The following EHBP1 variants were observed in gnomAD, a reference collection of about 807,000 sequenced individuals.
EHBP1 encodes EH domain binding protein 1, also known as EH domain-binding protein 1.
EHBP1 carries 55 observed loss-of-function variants against 144.0 expected under a neutral mutation model. That is an observed-to-expected ratio of 0.38 (90% CI 0.31 to 0.48). EHBP1 has a LOEUF of 0.48. Among genes scored for constraint, EHBP1 ranks in the 20% least tolerant of loss-of-function variants. EHBP1 has a pLI of 0.98. For missense variants in EHBP1, 1,200 were observed against 1,364.2 expected, an observed-to-expected ratio of 0.88 and a Z score of 1.90; for synonymous variants, 469 against 472.7, an observed-to-expected ratio of 0.99 and a Z score of 0.10.
intron 15 of EHBP1, among the ~76,000 whole-genome samples, chr2:62,984,894 GC>G (rs1252449977): frequency 1.3e-5 from 2 of 152,132 alleles, no homozygotes; most frequent in East Asian, 3.9e-4. Flanking sequence ...GAAAGTAGGT[GC>G]CATTTCCTGG....
At chr2:62,740,810 A>AT (rs939303974) in intron 2 of EHBP1, among the ~76,000 whole-genome samples, 1 of 152,078 alleles carries the variant, frequency 6.6e-6, no homozygotes, top group African/African-American at 2.4e-5. Context: ...GCTATCTTTT[A>AT]TTTTTTTGAC....
chr2:62,917,983 G>A (rs1013442556), intron 10 of EHBP1, among the ~76,000 whole-genome samples: 3 of 150,920 alleles, frequency 2.0e-5, no homozygotes, highest in Non-Finnish European at 4.4e-5. Context: ...TGCAACCTCC[G>A]CCTCCAAGGT....
intron 2 of EHBP1, among the ~76,000 whole-genome samples, chr2:62,720,131 CCTT>C (rs1361352552): frequency 6.6e-6 from 1 of 152,140 alleles, no homozygotes; most frequent in African/African-American, 2.4e-5. Flanking sequence ...GGACATACAT[CCTT>C]CTTAAGTTGT....
intron 15 of EHBP1, among the ~76,000 whole-genome samples, chr2:62,988,691 G>A (rs1023203202): frequency 9.9e-5 from 15 of 152,118 alleles, no homozygotes; most frequent in African/African-American, 4.8e-5. Flanking sequence ...GCCTTTATAA[G>A]CCAGCAGCAA....
intron 2 of EHBP1, among the ~76,000 whole-genome samples, chr2:62,712,990 A>G (rs113437683): frequency 1.2e-3 from 181 of 152,322 alleles, no homozygotes; most frequent in African/African-American, 4.0e-3. Flanking sequence ...AAATAAATTT[A>G]AGTAGAATTT....
intron 1 of EHBP1, among the ~76,000 whole-genome samples, chr2:62,696,461 CCTTTTT>C (rs1168568702): frequency 6.7e-6 from 1 of 148,648 alleles, no homozygotes; most frequent in Non-Finnish European, 1.5e-5. Flanking sequence ...TTTTTCTTTT[CCTTTTT>C]CTTCTCTTTT....
At chr2:62,740,111 T>C (rs1235300414) in intron 2 of EHBP1, among the ~76,000 whole-genome samples, 3 of 152,150 alleles carry the variant, frequency 2.0e-5, no homozygotes, top group Non-Finnish European at 1.5e-5. Context: ...CATATAGATA[T>C]TAGAAATACC....
Position 62,939,570 on chromosome 2 carries a change from G to A in EHBP1, c.1186-3148G>A, listed in dbSNP as rs982451817. Among the ~76,000 whole-genome samples the A allele has an allele frequency of 4.6e-5, 7 of 152,236 alleles. No homozygotes were observed. In the South Asian group the frequency reaches 1.2e-3, roughly 27 times the overall value. ...TTACAGGTGTGAACCGCCACGCTCGGCCAAATTGCATTATTAAGTAGGATG... is the reference window on the plus strand; with the variant it reads ...TTACAGGTGTGAACCGCCACGCTCGACCAAATTGCATTATTAAGTAGGATG... On this transcript the variant is annotated intron_variant, in intron 10 of 22. Coordinates refer to ENST00000431489, the MANE Select transcript of EHBP1 (RefSeq NM_001142616.3).
chr2:62,749,096 T>A (rs2039428626), intron 3 of EHBP1, among the ~76,000 whole-genome samples: 1 of 152,192 alleles, frequency 6.6e-6, no homozygotes, highest in Non-Finnish European at 1.5e-5. Flanking sequence ...TAACTCGTCA[T>A]TTATATTAGG....
chr2:62,798,891 C>G (rs1419279649), intron 5 of EHBP1, among the ~76,000 whole-genome samples: 2 of 150,478 alleles, frequency 1.3e-5, no homozygotes, highest in Non-Finnish European at 2.9e-5. Flanking sequence ...GTAGTCCCAG[C>G]TACTCGAGAG....
At chr2:62,775,782 A>G (rs1425046333) in intron 5 of EHBP1, among the ~76,000 whole-genome samples, 1 of 152,166 alleles carries the variant, frequency 6.6e-6, no homozygotes. Context: ...TTACAGGTAA[A>G]GAAAGTGAGG....
chr2:62,764,231 A>T, intron 3 of EHBP1, 35 bp from the exon 4 acceptor site: 1 of 1,406,994 alleles, frequency 7.1e-7, no homozygotes. Context: ...CATTTCCCAT[A>T]CTTCATATTG....
chr2:63,001,307 G>A (rs2059837902), intron 19 of EHBP1, among the ~76,000 whole-genome samples: 1 of 152,172 alleles, frequency 6.6e-6, no homozygotes, highest in Admixed American at 6.6e-5. Flanking sequence ...AAAGGATCAT[G>A]AGCCTTCTCA....
intron 21 of EHBP1, among the ~76,000 whole-genome samples, chr2:63,040,828 A>T: frequency 6.6e-6 from 1 of 152,210 alleles, no homozygotes; most frequent in East Asian, 1.9e-4. Context: ...ATCACTGTGA[A>T]GATCAGCTCT....
intron 14 of EHBP1, among the ~76,000 whole-genome samples, chr2:62,975,694 G>A (rs948100520): frequency 6.6e-6 from 1 of 151,474 alleles, no homozygotes; most frequent in African/African-American, 2.4e-5. Flanking sequence ...GACCAACATG[G>A]GCAACACAGG....
chr2:62,913,729 C>A (rs1558903858), intron 10 of EHBP1, among the ~76,000 whole-genome samples: 1 of 152,124 alleles, frequency 6.6e-6, no homozygotes, highest in Non-Finnish European at 1.5e-5. Context: ...AAATGTATTT[C>A]TTTAAAAACA....
chr2:62,712,314 A>G (rs1202988983), intron 2 of EHBP1, among the ~76,000 whole-genome samples: 1 of 152,170 alleles, frequency 6.6e-6, no homozygotes, highest in Non-Finnish European at 1.5e-5. Context: ...GGGAAATGAT[A>G]TAAGAAATCA....
At chr2:62,832,910 T>C (rs142503069) in intron 7 of EHBP1, among the ~76,000 whole-genome samples, 487 of 152,300 alleles carry the variant, frequency 3.2e-3, no homozygotes, top group Non-Finnish European at 6.0e-3. Flanking sequence ...TGATTAAGTT[T>C]TGTGGGGAAG....
At chr2:62,752,717 C>T (rs887201216) in intron 3 of EHBP1, among the ~76,000 whole-genome samples, 3 of 151,982 alleles carry the variant, frequency 2.0e-5, no homozygotes, top group Admixed American at 1.3e-4. Flanking sequence ...TGAATTGATC[C>T]CTTTACCATT....
Sources: gnomAD v4.1 joint callset for allele counts (sites outside exome capture counted in the v4.1 genomes callset) on GRCh38, gnomAD v4.1.1 for gene constraint, MANE v1.5 for transcripts, NCBI Gene and HGNC (gene_info 2026-07-23, HGNC 2026-07-21) for gene names.